STARD13: variants seen among roughly 807,000 people sequenced by gnomAD.
The protein encoded by STARD13 is stAR-related lipid transfer protein 13.
STARD13 carries 62 observed loss-of-function variants against 106.4 expected under a neutral mutation model. The observed-to-expected ratio is 0.58, with a 90% CI of 0.48 to 0.72. The LOEUF is 0.72. Among genes scored for constraint, STARD13 ranks in the 30% least tolerant of loss-of-function variants. STARD13 has a pLI of 0.00. For missense variants in STARD13, 1,387 were observed against 1,424.0 expected (o/e 0.97, Z 0.42); for synonymous variants, 565 against 553.0 (o/e 1.02, Z -0.31).
chr13:33,149,839 T>C (rs1348584188), intron 3 of STARD13, among the ~76,000 whole-genome samples: 1 of 152,230 alleles, frequency 6.6e-6, no homozygotes, highest in Non-Finnish European at 1.5e-5. Context: ...TCAAAACCAC[T>C]GCAAAATTCT....
At chr13:33,528,257 C>CAT in the STARD13 span, among the ~76,000 whole-genome samples, 352 of 92,864 alleles carry the variant, frequency 3.8e-3, 11 homozygotes, top group East Asian at 0.017. Flanking sequence ...TATATATATA[C>CAT]ATATATATAT....
At chr13:33,590,346 TG>T in the STARD13 span, among the ~76,000 whole-genome samples, 810 of 152,266 alleles carry the variant, frequency 5.3e-3, 7 homozygotes, top group African/African-American at 0.019. Flanking sequence ...ATCCCATTAC[TG>T]GGTATATACC....
chr13:33,390,844 G>A, the STARD13 span, among the ~76,000 whole-genome samples: 1 of 152,088 alleles, frequency 6.6e-6, no homozygotes, highest in Admixed American at 6.5e-5. Context: ...TAGATGCATC[G>A]TTAAAAATCT....
chr13:33,590,804 A>G, the STARD13 span, among the ~76,000 whole-genome samples: 3 of 152,140 alleles, frequency 2.0e-5, no homozygotes, highest in Non-Finnish European at 2.9e-5. Flanking sequence ...ATGTATACAT[A>G]TGTAACACAC....
intron 1 of STARD13, among the ~76,000 whole-genome samples, chr13:33,253,765 G>A (rs558726830): frequency 7.2e-5 from 11 of 152,208 alleles, no homozygotes; most frequent in Admixed American, 1.3e-4. Context: ...ATTTATAAGC[G>A]TATCATCAAA....
the STARD13 span, among the ~76,000 whole-genome samples, chr13:33,462,511 G>A: frequency 9.9e-5 from 15 of 152,158 alleles, no homozygotes; most frequent in Non-Finnish European, 1.9e-4. Context: ...ATGATAGGCC[G>A]TCTGCAAGCT....
chr13:33,607,299 CTTTT>C, the STARD13 span, among the ~76,000 whole-genome samples: 4 of 137,410 alleles, frequency 2.9e-5, no homozygotes, highest in Non-Finnish European at 4.8e-5. Context: ...ATCATTGTTT[CTTTT>C]TTTTTTTTTT....
intron 4 of STARD13, chr13:33,138,608 A>C: frequency 4.2e-6 from 1 of 235,750 alleles, no homozygotes; most frequent in Non-Finnish European, 8.5e-6. Flanking sequence ...GTCACATAGA[A>C]ATTTAGACGT....
At chr13:33,491,100 G>GT in the STARD13 span, among the ~76,000 whole-genome samples, 1 of 152,222 alleles carries the variant, frequency 6.6e-6, no homozygotes, top group Non-Finnish European at 1.5e-5. Flanking sequence ...GAATGTGCCA[G>GT]TGGTAGATGG....
the STARD13 span, among the ~76,000 whole-genome samples, chr13:33,407,307 A>G: frequency 2.0e-5 from 3 of 152,160 alleles, no homozygotes; most frequent in Non-Finnish European, 4.4e-5. Flanking sequence ...GTTCACAGTC[A>G]TTGTCCCCTC....
At chr13:33,146,445 C>T (rs1880554760) in intron 3 of STARD13, among the ~76,000 whole-genome samples, 2 of 151,922 alleles carry the variant, frequency 1.3e-5, no homozygotes, top group Non-Finnish European at 2.9e-5. Context: ...GACCACGCCA[C>T]TGCACTCCAG....
the STARD13 span, among the ~76,000 whole-genome samples, chr13:33,522,417 A>G: frequency 3.3e-5 from 5 of 152,102 alleles, no homozygotes; most frequent in Non-Finnish European, 7.4e-5. Flanking sequence ...AGTAGGGTAC[A>G]CTGTTGGTGT....
chr13:33,588,837 A>T, the STARD13 span, among the ~76,000 whole-genome samples: 1 of 152,126 alleles, frequency 6.6e-6, no homozygotes, highest in East Asian at 1.9e-4. Flanking sequence ...CTTGCTTACT[A>T]CTTATTCGCC....
chr13:33,264,937 T>G (rs933434913), intron 1 of STARD13, among the ~76,000 whole-genome samples: 10 of 152,102 alleles, frequency 6.6e-5, no homozygotes, highest in African/African-American at 2.4e-4. Context: ...TTGAGGGAAA[T>G]AGTGAAACAT....
the STARD13 span, among the ~76,000 whole-genome samples, chr13:33,500,196 C>T: frequency 3.4e-4 from 51 of 152,164 alleles, no homozygotes; most frequent in Non-Finnish European, 5.3e-4. Context: ...AGGAGGGACA[C>T]GAACACTCAG....
the STARD13 span, among the ~76,000 whole-genome samples, chr13:33,474,763 T>A: frequency 3.3e-5 from 5 of 152,156 alleles, no homozygotes; most frequent in Admixed American, 2.0e-4. Context: ...ACTAAAACAA[T>A]CTCCATTTGT....
the STARD13 span, among the ~76,000 whole-genome samples, chr13:33,395,564 C>T: frequency 7.2e-5 from 11 of 152,082 alleles, no homozygotes; most frequent in South Asian, 2.1e-4. Context: ...ACTATGCTGG[C>T]GTTTGGTTGA....
chr13:33,340,212 C>CTT (rs1210596123), intron 1 of STARD13, among the ~76,000 whole-genome samples: 21 of 152,236 alleles, frequency 1.4e-4, no homozygotes, highest in African/African-American at 4.8e-4. Flanking sequence ...TGGAAAAACA[C>CTT]TTCTTTTTTG....
chr13:33,454,129 C>T, the STARD13 span, among the ~76,000 whole-genome samples: 2 of 152,180 alleles, frequency 1.3e-5, no homozygotes, highest in Non-Finnish European at 2.9e-5. Flanking sequence ...TCTGTCAATC[C>T]GTCATCCTCC....
Sources: allele counts gnomAD v4.1 joint callset (sites outside exome capture counted in the v4.1 genomes callset), GRCh38; gene constraint gnomAD v4.1.1; transcripts MANE v1.5; gene names NCBI Gene and HGNC (gene_info 2026-07-23, HGNC 2026-07-21).